The following GRID1 variants were observed in gnomAD, a reference collection of about 807,000 sequenced individuals.
GRID1 encodes the protein glutamate receptor ionotropic, delta-1.
GRID1 carries 28 observed loss-of-function variants against 98.0 expected under a neutral mutation model. The ratio of observed to expected loss-of-function variants is 0.29; its 90% CI spans 0.21 to 0.39. The LOEUF is 0.39. Among genes scored for constraint, GRID1 ranks in the 10% least tolerant of loss-of-function variants. GRID1 has a pLI of 1.00. For synonymous variants in GRID1, 553 were observed against 538.5 expected, an observed-to-expected ratio of 1.03 and a Z score of -0.37; for missense variants, 1,111 against 1,340.5, an observed-to-expected ratio of 0.83 and a Z score of 2.67.
intron 3 of GRID1, among the ~76,000 whole-genome samples, chr10:86,191,137 T>C (rs1430601248): frequency 6.6e-6 from 1 of 152,050 alleles, no homozygotes; most frequent in Non-Finnish European, 1.5e-5. Flanking sequence ...AAAGCAGGCT[T>C]TTCACCCTGG....
At chr10:86,019,281 C>T in intron 4 of GRID1, among the ~76,000 whole-genome samples, 1 of 152,232 alleles carries the variant, frequency 6.6e-6, no homozygotes, top group East Asian at 1.9e-4. Context: ...CACACAGCTG[C>T]CCCCTCCACC....
At chr10:86,176,789 AG>A (rs1845581392) in intron 3 of GRID1, among the ~76,000 whole-genome samples, 1 of 152,212 alleles carries the variant, frequency 6.6e-6, no homozygotes, top group Non-Finnish European at 1.5e-5. Flanking sequence ...GTGCCAGTCT[AG>A]GTAAGAAATG....
chr10:85,895,017 ATAT>A lies in GRID1; in HGVS notation c.780+21166_780+21168del, dbSNP rs1353864816. ...TGGGACTCTCAAAAAAAAAAAAAAA[ATAT>A]ATATATATATATATATATATGTAAA... On this transcript the variant is annotated intron_variant, in intron 5 of 15. Transcript: ENST00000327946. Among the ~76,000 whole-genome samples, 452 of 84,268 alleles carry A rather than the reference ATAT, an allele frequency of 5.4e-3. 3 individuals carry two copies. The highest frequency in any genetic ancestry group is 0.015 in the African/African-American group (324 of 21,420). 55.3% of individuals were successfully genotyped at this position (84,268 alleles called of 152,430 possible). A position where few individuals can be genotyped will look rare whatever the true frequency, so the allele number is the denominator to read the frequency against.
chr10:85,636,981 T>G (rs1402845821), intron 13 of GRID1, among the ~76,000 whole-genome samples: 3 of 152,188 alleles, frequency 2.0e-5, no homozygotes, highest in African/African-American at 7.2e-5. Context: ...TAACTGGAAA[T>G]GACCCAAATG....
At chr10:85,722,959 C>G in intron 12 of GRID1, 44 bp downstream of exon 12, 1 of 1,559,170 alleles carries the variant, frequency 6.4e-7, no homozygotes, top group Non-Finnish European at 8.7e-7. Flanking sequence ...CTCTTTAAAG[C>G]CTCTCTGAGC....
At chr10:85,740,604 A>T (rs927136682) in intron 8 of GRID1, among the ~76,000 whole-genome samples, 2 of 151,950 alleles carry the variant, frequency 1.3e-5, no homozygotes, top group African/African-American at 4.8e-5. Flanking sequence ...ATATCATTCT[A>T]GAGATTTTTC....
At chr10:85,946,118 T>C (rs1352429487) in intron 4 of GRID1, among the ~76,000 whole-genome samples, 1 of 152,222 alleles carries the variant, frequency 6.6e-6, no homozygotes, top group Non-Finnish European at 1.5e-5. Flanking sequence ...AAAAATGTCT[T>C]AGCATCAAGT....
rs1316249330 is a variant in GRID1 at position 85,916,614 on chromosome 10, A to G, written c.727-375T>C. Among the ~76,000 whole-genome samples the G allele has an allele frequency of 6.6e-6, 1 of 152,140 alleles. No homozygotes were observed. The highest frequency in any genetic ancestry group is 2.4e-5 in the African/African-American group (1 of 41,430). On this transcript the variant is annotated intron_variant, in intron 4 of 15. Coordinates refer to ENST00000327946, the MANE Select transcript of GRID1 (RefSeq NM_017551.3). The surrounding 1 kb of genome is among the most constrained non-coding windows in gnomAD (Gnocchi z 4.0). ...GTGTTATCATTACTCCAGGCTACAG[A>G]ATCAGGAAACTGGAACGAGGGATTT...
intron 3 of GRID1, among the ~76,000 whole-genome samples, chr10:86,197,515 G>C (rs1845893662): frequency 6.6e-6 from 1 of 152,066 alleles, no homozygotes; most frequent in East Asian, 1.9e-4. Context: ...AAGGAGGTCT[G>C]GGGAGTGTGG....
chr10:85,743,494 A>C (rs145075927), intron 8 of GRID1, among the ~76,000 whole-genome samples: 1 of 152,186 alleles, frequency 6.6e-6, no homozygotes, highest in Non-Finnish European at 1.5e-5. Flanking sequence ...ACAGTGTTAC[A>C]ATAAAAAAAT....
chr10:86,205,069 C>T (rs946427434), intron 3 of GRID1, among the ~76,000 whole-genome samples: 13 of 152,226 alleles, frequency 8.5e-5, no homozygotes, highest in African/African-American at 2.9e-4. Flanking sequence ...TCCACCTCAT[C>T]TTTATTTCAG....
chr10:85,948,230 G>T (rs891450078), intron 4 of GRID1, among the ~76,000 whole-genome samples: 7 of 152,210 alleles, frequency 4.6e-5, no homozygotes, highest in African/African-American at 1.7e-4. Flanking sequence ...GGATAGATAA[G>T]AACTCTCTGT....
chr10:86,293,582 A>G (rs2132076833), intron 2 of GRID1, among the ~76,000 whole-genome samples: 1 of 152,298 alleles, frequency 6.6e-6, no homozygotes, highest in East Asian at 1.9e-4. Context: ...CAATCCTCAG[A>G]GCAAAGACCC....
intron 4 of GRID1, among the ~76,000 whole-genome samples, chr10:86,060,158 A>G (rs1843629528): frequency 6.6e-6 from 1 of 152,236 alleles, no homozygotes; most frequent in Non-Finnish European, 1.5e-5. Context: ...ACTATTTTAC[A>G]TGGCATGGGA....
intron 4 of GRID1, among the ~76,000 whole-genome samples, chr10:86,121,446 A>AATC (rs756601922): frequency 6.8e-5 from 1 of 14,656 alleles, no homozygotes; most frequent in Non-Finnish European, 1.6e-4. Context: ...TCATTAACAT[A>AATC]ATCATCATCA....
intron 4 of GRID1, among the ~76,000 whole-genome samples, chr10:86,120,894 T>G (rs1167655666): frequency 6.6e-6 from 1 of 152,146 alleles, no homozygotes; most frequent in African/African-American, 2.4e-5. Flanking sequence ...CCAAGTAGAA[T>G]GCCTCCTCCC....
At chr10:85,733,865 T>C (rs2132663603) in intron 8 of GRID1, among the ~76,000 whole-genome samples, 1 of 152,326 alleles carries the variant, frequency 6.6e-6, no homozygotes, top group East Asian at 1.9e-4. Flanking sequence ...CGTGGATATA[T>C]GTGTTACATA....
chr10:85,603,185 A>G (rs1317492038), intron 15 of GRID1, among the ~76,000 whole-genome samples: 4 of 152,248 alleles, frequency 2.6e-5, no homozygotes, highest in South Asian at 2.1e-4. Context: ...GGAAGGTTCA[A>G]TGATTCATCA....
chr10:85,865,453 CCT>C (rs1339305617), intron 6 of GRID1, among the ~76,000 whole-genome samples: 2 of 152,124 alleles, frequency 1.3e-5, no homozygotes, highest in South Asian at 4.1e-4. Flanking sequence ...GCAAAAATTC[CCT>C]GTTCTTCTTG....
Sources: allele counts gnomAD v4.1 joint callset (sites outside exome capture counted in the v4.1 genomes callset), GRCh38; gene constraint gnomAD v4.1.1; non-coding constraint Gnocchi (gnomAD v3.1); transcripts MANE v1.5; gene names NCBI Gene and HGNC (gene_info 2026-07-23, HGNC 2026-07-21).